CTNNA3: variants seen among roughly 807,000 people sequenced by gnomAD.
CTNNA3 encodes the protein catenin alpha-3.
CTNNA3 carries 76 observed loss-of-function variants against 95.7 expected under a neutral mutation model. That is an observed-to-expected ratio of 0.79 (90% CI 0.66 to 0.96). The LOEUF (loss-of-function observed/expected upper bound fraction) is 0.96. Among genes scored for constraint, CTNNA3 ranks in the 40% least tolerant of loss-of-function variants. The pLI, the probability that CTNNA3 is intolerant of heterozygous loss-of-function variation, is 0.00. For synonymous variants in CTNNA3, 431 were observed against 374.4 expected (o/e 1.15, Z -1.74); for missense variants, 1,191 against 1,089.8 (o/e 1.09, Z -1.31).
intron 3 of CTNNA3, among the ~76,000 whole-genome samples, chr10:67,590,048 G>A (rs1441801797): frequency 1.3e-5 from 2 of 152,048 alleles, no homozygotes; most frequent in African/African-American, 4.8e-5. Flanking sequence ...TGACTACACT[G>A]TATACATTTT....
intron 10 of CTNNA3, among the ~76,000 whole-genome samples, chr10:66,609,803 G>T (rs955722518): frequency 3.3e-5 from 5 of 152,076 alleles, no homozygotes; most frequent in Admixed American, 3.3e-4. Context: ...GTATGTGTAT[G>T]TTCATTGCAG....
intron 16 of CTNNA3, among the ~76,000 whole-genome samples, chr10:65,982,351 A>G (rs1224350419): frequency 2.6e-5 from 4 of 151,660 alleles, no homozygotes; most frequent in African/African-American, 7.3e-5. Flanking sequence ...AAACAACAAA[A>G]AAAGGTGTTG....
intron 13 of CTNNA3, among the ~76,000 whole-genome samples, chr10:66,248,161 C>A (rs998761288): frequency 1.3e-5 from 2 of 151,964 alleles, no homozygotes; most frequent in Non-Finnish European, 2.9e-5. Flanking sequence ...ATGCCATCAA[C>A]TTTAAGTTGT....
intron 5 of CTNNA3, among the ~76,000 whole-genome samples, chr10:67,387,410 G>GC (rs1437116931): frequency 6.6e-6 from 1 of 152,064 alleles, no homozygotes; most frequent in East Asian, 1.9e-4. Flanking sequence ...AGGGTCCTAC[G>GC]CCCCACGGAG....
At chr10:67,711,519 T>G (rs550742195) in intron 1 of CTNNA3, among the ~76,000 whole-genome samples, 1 of 152,338 alleles carries the variant, frequency 6.6e-6, no homozygotes, top group East Asian at 1.9e-4. Flanking sequence ...CCTAAAGATG[T>G]GTGGAACTTT....
intron 7 of CTNNA3, among the ~76,000 whole-genome samples, chr10:66,859,658 A>G (rs1378928424): frequency 7.0e-6 from 1 of 142,832 alleles, no homozygotes; most frequent in East Asian, 1.9e-4. Flanking sequence ...CAGCCATCCC[A>G]TTACTGGGTA....
chr10:67,387,062 G>C (rs527273884), intron 5 of CTNNA3, among the ~76,000 whole-genome samples: 3 of 152,124 alleles, frequency 2.0e-5, no homozygotes, highest in African/African-American at 4.8e-5. Flanking sequence ...GACCCAAGAC[G>C]GCCGAATAGG....
At chr10:67,058,290 A>T (rs1369036400) in intron 7 of CTNNA3, among the ~76,000 whole-genome samples, 2 of 152,218 alleles carry the variant, frequency 1.3e-5, no homozygotes, top group African/African-American at 2.4e-5. Flanking sequence ...AGTCTATCAC[A>T]TCATTCTTAC....
At chr10:67,402,855 C>A (rs748085407) in intron 5 of CTNNA3, among the ~76,000 whole-genome samples, 5 of 152,152 alleles carry the variant, frequency 3.3e-5, no homozygotes, top group Admixed American at 6.5e-5. Flanking sequence ...GGATCCCTGG[C>A]AAAGGTGACT....
chr10:67,269,271 A>G (rs1564524688), intron 5 of CTNNA3, among the ~76,000 whole-genome samples: 1 of 152,188 alleles, frequency 6.6e-6, no homozygotes, highest in East Asian at 1.9e-4. Flanking sequence ...TTGTTTAAAA[A>G]ATTAGTCCAG....
chr10:67,586,773 A>T (rs192994130), intron 3 of CTNNA3, among the ~76,000 whole-genome samples: 1 of 152,292 alleles, frequency 6.6e-6, no homozygotes, highest in East Asian at 1.9e-4. Context: ...TGGAGCAGGT[A>T]GTCCATTTAT....
At chr10:67,287,040 C>G (rs1160545507) in intron 5 of CTNNA3, among the ~76,000 whole-genome samples, 3 of 151,940 alleles carry the variant, frequency 2.0e-5, no homozygotes, top group South Asian at 4.1e-4. Context: ...GTGACTGGAA[C>G]ATGAAAAAAC....
chr10:67,292,590 C>T (rs185426170), intron 5 of CTNNA3, among the ~76,000 whole-genome samples: 209 of 152,170 alleles, frequency 1.4e-3, no homozygotes, highest in Middle Eastern at 3.4e-3. Context: ...TCTATAAACT[C>T]CTACTTGGCT....
At chr10:67,516,643 A>C (rs755290703) in intron 5 of CTNNA3, among the ~76,000 whole-genome samples, 4 of 152,212 alleles carry the variant, frequency 2.6e-5, no homozygotes, top group Non-Finnish European at 5.9e-5. Flanking sequence ...CACATTTTGT[A>C]ATGACTACCA....
intron 1 of CTNNA3, among the ~76,000 whole-genome samples, chr10:67,758,315 A>AATAT (rs558989789): frequency 0.036 from 4,535 of 124,450 alleles, 86 homozygotes; most frequent in Middle Eastern, 0.082. Flanking sequence ...CATATATATA[A>AATAT]ATATATATAC....
At chr10:67,654,943 G>A (rs921632085) in intron 1 of CTNNA3, among the ~76,000 whole-genome samples, 32 of 151,994 alleles carry the variant, frequency 2.1e-4, no homozygotes, top group African/African-American at 7.7e-4. Context: ...AATAATTAAA[G>A]GTTAAATAGT....
intron 13 of CTNNA3, among the ~76,000 whole-genome samples, chr10:66,109,494 C>A (rs776853108): frequency 7.9e-5 from 12 of 152,186 alleles, no homozygotes; most frequent in Non-Finnish European, 1.6e-4. Flanking sequence ...TACCGAATAT[C>A]CCCTGGAAAT....
intron 13 of CTNNA3, among the ~76,000 whole-genome samples, chr10:66,119,220 T>C (rs2082467128): frequency 6.6e-6 from 1 of 152,210 alleles, no homozygotes; most frequent in African/African-American, 2.4e-5. Flanking sequence ...GATACCACCA[T>C]TATGAAGCTA....
chr10:67,546,709 C>A (rs1162249676), intron 3 of CTNNA3, among the ~76,000 whole-genome samples: 6 of 152,090 alleles, frequency 3.9e-5, no homozygotes, highest in Admixed American at 6.6e-5. Context: ...TGATATGCCA[C>A]CCACCAATAA....
Sources: gnomAD v4.1 joint callset for allele counts (sites outside exome capture counted in the v4.1 genomes callset) on GRCh38, gnomAD v4.1.1 for gene constraint, MANE v1.5 for transcripts, NCBI Gene and HGNC (gene_info 2026-07-23, HGNC 2026-07-21) for gene names.